The following STAB2 variants were observed in gnomAD, a reference collection of about 807,000 sequenced individuals.
STAB2 encodes stabilin-2.
STAB2 carries 288 observed loss-of-function variants against 338.1 expected under a neutral mutation model. The ratio of observed to expected loss-of-function variants is 0.85; its 90% CI spans 0.77 to 0.94. The LOEUF (loss-of-function observed/expected upper bound fraction) is 0.94. STAB2 is among the 40% of genes least tolerant of loss of function. The probability of loss-of-function intolerance (pLI) is 0.00; values close to 1 mark genes in which losing one functional copy is unlikely to be tolerated. For synonymous variants in STAB2, 1,202 were observed against 1,193.3 expected (o/e 1.01, Z -0.15); for missense variants, 3,141 against 3,210.1 (o/e 0.98, Z 0.52).
At chr12:103,656,344 T>C (rs1362473775) in intron 15 of STAB2, among the ~76,000 whole-genome samples, 1 of 152,210 alleles carries the variant, frequency 6.6e-6, no homozygotes, top group Non-Finnish European at 1.5e-5. Context: ...GTTGATTATA[T>C]AGAATGTGGA....
chr12:103,637,586 C>T (rs1957568709), intron 7 of STAB2, among the ~76,000 whole-genome samples: 1 of 152,102 alleles, frequency 6.6e-6, no homozygotes, highest in Non-Finnish European at 1.5e-5. Flanking sequence ...GGTTCAGTCC[C>T]AGATCTGCCT....
Position 103,654,718 on chromosome 12 carries a change from T to A in STAB2, c.1551+20T>A. The A allele has an allele frequency of 6.2e-7, 1 of 1,611,724 alleles. No homozygotes were observed. The highest frequency in any genetic ancestry group is 8.5e-7 in the Non-Finnish European group (1 of 1,178,922). On this transcript the variant is annotated intron_variant, in intron 13 of 68. Transcript: ENST00000388887. ...AATGAGGTGAGTATTCAGATAAAAG[T>A]CACATCAGGCCAGGTCCATCTTCCT...
chr12:103,759,380 C>T, intron 65 of STAB2, 107 bp downstream of exon 65: 5 of 1,455,970 alleles, frequency 3.4e-6, no homozygotes, highest in Non-Finnish European at 4.6e-6. Flanking sequence ...AACATAAACT[C>T]TAAACCTGCA....
intron 44 of STAB2, among the ~76,000 whole-genome samples, chr12:103,721,590 A>C (rs1237081124): frequency 1.3e-5 from 2 of 152,348 alleles, no homozygotes; most frequent in Admixed American, 1.3e-4. Flanking sequence ...TATGCAGGAT[A>C]GGGGTTCTAA....
chr12:103,668,070 T>C (rs1250103514), intron 19 of STAB2, among the ~76,000 whole-genome samples: 1 of 152,208 alleles, frequency 6.6e-6, no homozygotes, highest in African/African-American at 2.4e-5. Context: ...CCACATAGAA[T>C]TGAAGATTGA....
At chr12:103,720,762 A>G (rs192070158) in intron 44 of STAB2, among the ~76,000 whole-genome samples, 9 of 152,306 alleles carry the variant, frequency 5.9e-5, no homozygotes, top group Admixed American at 1.3e-4. Context: ...GAGACTGGGT[A>G]GCTTATAAGC....
intron 63 of STAB2, 45 bp downstream of exon 63, chr12:103,755,763 G>A: frequency 6.2e-7 from 1 of 1,600,644 alleles, no homozygotes; most frequent in Non-Finnish European, 8.6e-7. Flanking sequence ...GGGAGGGGTT[G>A]CCTCAAAGCA....
intron 27 of STAB2, among the ~76,000 whole-genome samples, chr12:103,686,636 G>A (rs1304690352): frequency 6.6e-6 from 1 of 152,090 alleles, no homozygotes; most frequent in Non-Finnish European, 1.5e-5. Flanking sequence ...CTCCCAAGTA[G>A]CTGGGACTAC....
Position 103,655,557 on chromosome 12 carries a change from T to C in STAB2, c.1710T>C (p.Thr570=), listed in dbSNP as rs771000089. ...CATTGAATAACATGAAGGACGGCAC[T>C]CTCGATTACCTCCTTTCTCCAGAGG... is the stretch of plus-strand genomic sequence containing the variant. The part of the protein sequence containing the change: ...NEALNNMKDG[T]LDYLLSPEGS... The change falls in exon 15 of 69, where the codon ACT becomes ACC. Residue 570 remains threonine, a synonymous_variant. Coordinates refer to ENST00000388887, the MANE Select transcript of STAB2 (RefSeq NM_017564.10). The C allele has an allele frequency of 5.0e-6, 8 of 1,613,878 alleles. No individual in the cohort carries two copies. The South Asian group carries it at 6.6e-5, about 13-fold the overall frequency.
chr12:103,718,633 AT>A (rs1487248782), intron 44 of STAB2, among the ~76,000 whole-genome samples: 4 of 152,254 alleles, frequency 2.6e-5, no homozygotes, highest in Admixed American at 6.5e-5. Flanking sequence ...GCGGATGGAC[AT>A]TAGAAGAAAA....
intron 25 of STAB2, among the ~76,000 whole-genome samples, chr12:103,679,375 G>GA (rs148209734): frequency 2.3e-4 from 33 of 142,414 alleles, no homozygotes; most frequent in Middle Eastern, 3.5e-3. Context: ...TATCAAAAAA[G>GA]AAAAAAAAAA....
chr12:103,728,757 T>C, intron 47 of STAB2, 92 bp from the exon 48 acceptor site: 1 of 1,527,494 alleles, frequency 6.5e-7, no homozygotes, highest in South Asian at 1.2e-5. Flanking sequence ...CCGAGAGGTG[T>C]GGAAGAGAGA....
intron 3 of STAB2, among the ~76,000 whole-genome samples, chr12:103,601,922 T>C (rs1047256381): frequency 6.6e-6 from 1 of 152,240 alleles, no homozygotes; most frequent in African/African-American, 2.4e-5. Context: ...AATTGCCTTT[T>C]CCACACCAGT....
chr12:103,749,251 C>G, intron 59 of STAB2, 95 bp downstream of exon 59: 1 of 1,317,384 alleles, frequency 7.6e-7, no homozygotes, highest in Non-Finnish European at 1.0e-6. Context: ...ATCTCCTGGA[C>G]TCTTCCTAAA....
chr12:103,743,057 T>C (rs1252916004), intron 56 of STAB2, among the ~76,000 whole-genome samples: 2 of 149,748 alleles, frequency 1.3e-5, no homozygotes, highest in Non-Finnish European at 3.0e-5. Flanking sequence ...AGTTTCGCTC[T>C]TGTTGCCCAG....
At chr12:103,666,476 C>A in intron 19 of STAB2, 123 bp downstream of exon 19, 2 of 967,964 alleles carry the variant, frequency 2.1e-6, no homozygotes, top group Non-Finnish European at 3.2e-6. Context: ...ATAAGATGGG[C>A]TCGTAGCCTA....
At chr12:103,693,027 T>C (rs1283159148) in intron 31 of STAB2, 138 bp downstream of exon 31, 5 of 574,982 alleles carry the variant, frequency 8.7e-6, no homozygotes, top group African/African-American at 7.6e-5. Context: ...TCATGACTTT[T>C]ATTTTAAAAC....
Position 103,737,762 on chromosome 12 carries a change from T to A in STAB2, c.5679T>A (p.Phe1893Leu), listed in dbSNP as rs181327072. The A allele has an allele frequency of 1.6e-4, 251 of 1,614,028 alleles. 1 individual carries two copies. The East Asian group carries it at 5.0e-3, about 32-fold the overall frequency. ...CCCTGGGGGGCCGCTGTGACACCTTTACTACTTTCGATGCCTCGGTCAGTC... is the reference window on the plus strand; with the variant it reads ...CCCTGGGGGGCCGCTGTGACACCTTAACTACTTTCGATGCCTCGGTCAGTC... ...DPTLGGRCDT[F>L]TTFDASGECG... Residue 1893 changes from phenylalanine to leucine, a missense_variant, in exon 53 of 69, where the codon TTT becomes TTA. By Grantham distance (22) the Phe-to-Leu change is conservative (BLOSUM62 0). Coordinates refer to ENST00000388887, the MANE Select transcript of STAB2 (RefSeq NM_017564.10).
intron 34 of STAB2, among the ~76,000 whole-genome samples, chr12:103,702,847 T>G (rs1879022732): frequency 6.6e-6 from 1 of 152,196 alleles, no homozygotes; most frequent in South Asian, 2.1e-4. Context: ...GCCAATTAAT[T>G]TGCTTCATGG....
Sources: allele counts gnomAD v4.1 joint callset (sites outside exome capture counted in the v4.1 genomes callset), GRCh38; gene constraint gnomAD v4.1.1; transcripts MANE v1.5; gene names NCBI Gene and HGNC (gene_info 2026-07-23, HGNC 2026-07-21).